Variants in MAFK observed in about 807,000 individuals in gnomAD.
MAFK encodes MAF bZIP transcription factor K.
MAFK carries 1 observed loss-of-function variant against 9.2 expected under a neutral mutation model. The observed-to-expected ratio is 0.11, with a 90% confidence interval of 0.04 to 0.52. The LOEUF is 0.52. Ranked by LOEUF, MAFK falls within the 20% of genes least tolerant of loss-of-function variation. MAFK has a pLI of 0.94. For synonymous variants in MAFK, 110 were observed against 107.4 expected, an observed-to-expected ratio of 1.02 and a Z score of -0.15; for missense variants, 207 against 236.0, an observed-to-expected ratio of 0.88 and a Z score of 0.81.
intron 1 of MAFK, chr7:1,537,813 G>C: frequency 7.3e-6 from 4 of 548,824 alleles, no homozygotes; most frequent in Non-Finnish European, 9.3e-6. Context: ...CCAGGGTGTG[G>C]GGAGGGTCCT....
At chr7:1,539,324 G>C (rs986533687) in intron 2 of MAFK, 96 bp downstream of exon 2, 3 of 998,848 alleles carry the variant, frequency 3.0e-6, no homozygotes, top group Non-Finnish European at 4.6e-6. Flanking sequence ...TCCTGAGCCT[G>C]TGATGGAGGC....
chr7:1,533,376 G>A (rs1304028769), intron 1 of MAFK, among the ~76,000 whole-genome samples: 2 of 152,218 alleles, frequency 1.3e-5, no homozygotes, highest in Non-Finnish European at 2.9e-5. Flanking sequence ...CATGCCTTGG[G>A]GAGGCCCCCT....
At chr7:1,536,900 G>C (rs944142735) in intron 1 of MAFK, among the ~76,000 whole-genome samples, 1 of 152,202 alleles carries the variant, frequency 6.6e-6, no homozygotes, top group African/African-American at 2.4e-5. Context: ...CCAAGGAGGT[G>C]GGGGGCAGGC....
At chr7:1,535,692 G>A (rs774070848) in intron 1 of MAFK, among the ~76,000 whole-genome samples, 13 of 152,252 alleles carry the variant, frequency 8.5e-5, no homozygotes, top group Non-Finnish European at 1.8e-4. Context: ...TCCAGAAGCT[G>A]AGGTGGCTGC....
chr7:1,535,082 A>ATTATTTTT (rs1554285288), intron 1 of MAFK, among the ~76,000 whole-genome samples: 1 of 67,880 alleles, frequency 1.5e-5, no homozygotes. Context: ...GCTATTTAAA[A>ATTATTTTT]TTCTTTTTTT....
Position 1,539,467 on chromosome 7 carries a change from C to T in MAFK, c.36+239C>T, listed in dbSNP as rs572086235. Among the ~76,000 whole-genome samples, 16 of 152,284 alleles carry T rather than the reference C, an allele frequency of 1.1e-4. No individual in the cohort carries two copies. In the East Asian group the frequency reaches 1.6e-3, roughly 15 times the overall value. On this transcript the variant is annotated intron_variant, in intron 2 of 2. Transcript: ENST00000343242. ...GGCGTGGCAGGGTCTGCTGCCTTCC[C>T]GCCTGGGCTGTGTGTCCGCCGGGCG...
rs1311564742 is a variant in MAFK at position 1,534,462 on chromosome 7, C to T, written c.-45+3564C>T. 5 of 436,750 alleles carry T rather than the reference C, an allele frequency of 1.1e-5. No individual in the cohort carries two copies. Among genetic ancestry groups the T allele is most frequent in the Middle Eastern group, 3.4e-4 (1 of 2,982 alleles). 27.1% of individuals were successfully genotyped at this position (436,750 alleles called of 1,614,324 possible). On this transcript the variant is annotated intron_variant, in intron 1 of 2. Transcript: ENST00000343242. This position sits in a 1 kb window ranked among gnomAD's most constrained non-coding sequence, Gnocchi z 4.3. ...CTCTGGTTTTGTGGATTGCACCTGCCGTGGGAGTCACTGGTCGGGGGGCGG... is the reference window on the plus strand; with the variant it reads ...CTCTGGTTTTGTGGATTGCACCTGCTGTGGGAGTCACTGGTCGGGGGGCGG...
Position 1,540,562 on chromosome 7 carries a change from A to G in MAFK, c.*187A>G, listed in dbSNP as rs1043757859. 1 of 626,012 alleles carries G rather than the reference A, an allele frequency of 1.6e-6. No homozygotes were observed. The highest frequency in any genetic ancestry group is 2.7e-6 in the Non-Finnish European group (1 of 372,792). 38.8% of individuals were successfully genotyped at this position (626,012 alleles called of 1,614,324 possible). On this transcript the variant is annotated 3_prime_UTR_variant, in exon 3 of 3. Transcript: ENST00000343242. Reference sequence around the variant, plus strand: ...GTGAAGAGTGGGCTCCCGTGGGCCCAGAGCTGCACGCCGGTCCACAGACAC... The same window carrying G: ...GTGAAGAGTGGGCTCCCGTGGGCCCGGAGCTGCACGCCGGTCCACAGACAC...
At position 1,540,008 on chromosome 7, in the gene MAFK, G is replaced by A. The variant is rs1400463740; in HGVS notation, c.104G>A (p.Arg35Gln). ...GATGAGCTGGTGTCCATGTCGGTGC[G>A]GGAGCTGAACCAGCACCTGCGGGGT... Reference protein sequence around the residue: ...SDDELVSMSVRELNQHLRGLT... With the variant: ...SDDELVSMSVQELNQHLRGLT... The change falls in exon 3 of 3, where the codon CGG (arginine) becomes CAG (glutamine). Residue 35 changes from arginine to glutamine, a missense_variant. Coordinates refer to ENST00000343242, the MANE Select transcript of MAFK (RefSeq NM_002360.4). 9 of 1,558,264 alleles carry A rather than the reference G, an allele frequency of 5.8e-6. No homozygotes were observed. Among genetic ancestry groups the A allele is most frequent in the African/African-American group, 1.4e-5 (1 of 73,536 alleles).
rs1194339248 is a variant in MAFK, at chr7:1,532,404, A to T, written c.-45+1506A>T. On this transcript the variant is annotated intron_variant, in intron 1 of 2. Coordinates refer to ENST00000343242, the MANE Select transcript of MAFK (RefSeq NM_002360.4). This position sits in a 1 kb window ranked among gnomAD's most constrained non-coding sequence, Gnocchi z 4.5. ...TTAGGTAACCCAGTAGGAATGTCTGAGTTTGACCTTGGGAGAGGGAGTCTG... is the reference window on the plus strand; with the variant it reads ...TTAGGTAACCCAGTAGGAATGTCTGTGTTTGACCTTGGGAGAGGGAGTCTG... Among the ~76,000 whole-genome samples, 1 of 152,212 alleles carries T rather than the reference A, an allele frequency of 6.6e-6. No homozygotes were observed. The highest frequency in any genetic ancestry group is 1.5e-5 in the Non-Finnish European group (1 of 68,040).
chr7:1,542,605 GA>G lies in MAFK; in HGVS notation c.*2232del, dbSNP rs534494825. ...TGTCACCGCCCAGAGCTGGGCCGGGGAAGCACGGTGTGTTCTGCTTTTCTTT... is the reference window on the plus strand; with the variant it reads ...TGTCACCGCCCAGAGCTGGGCCGGGGAGCACGGTGTGTTCTGCTTTTCTTT... On this transcript the variant is annotated 3_prime_UTR_variant, in exon 3 of 3. Transcript: ENST00000343242. 1 of 152,416 alleles carries G rather than the reference GA, an allele frequency of 6.6e-6. No homozygotes were observed. Among genetic ancestry groups the G allele is most frequent in the African/African-American group, 2.4e-5 (1 of 41,604 alleles). 9.4% of individuals were successfully genotyped at this position (152,416 alleles called of 1,614,324 possible).
rs1041061297 is a variant in MAFK, at chr7:1,532,997, T to G, written c.-45+2099T>G. ...CCTTTCCCCGCTATTTATTTTTGCT[T>G]TTTATAAGTCACAGACTCGTCATGT... On this transcript the variant is annotated intron_variant, in intron 1 of 2. Coordinates refer to ENST00000343242, the MANE Select transcript of MAFK (RefSeq NM_002360.4). The surrounding 1 kb of genome is among the most constrained non-coding windows in gnomAD (Gnocchi z 4.5). Among the ~76,000 whole-genome samples, 3 of 152,218 alleles carry G rather than the reference T, an allele frequency of 2.0e-5. No individual in the cohort carries two copies. Among genetic ancestry groups the G allele is most frequent in the African/African-American group, 7.2e-5 (3 of 41,458 alleles).
At chr7:1,539,505 C>T (rs1784122592) in intron 2 of MAFK, among the ~76,000 whole-genome samples, 1 of 145,558 alleles carries the variant, frequency 6.9e-6, no homozygotes, top group Non-Finnish European at 1.5e-5. Context: ...ACTGCATGAG[C>T]TCATCCCCTG....
In MAFK at chr7:1,532,940, C is replaced by T. The variant is rs774400511; in HGVS notation, c.-45+2042C>T. Among the ~76,000 whole-genome samples the T allele has an allele frequency of 2.6e-5, 4 of 152,198 alleles. No individual in the cohort carries two copies. Among genetic ancestry groups the T allele is most frequent in the Non-Finnish European group, 5.9e-5 (4 of 68,026 alleles). ...TAAACAGTGACTCACCGCTCCGTCC[C>T]CACCCTCCCTGCTCTCCGCGAATGG... On this transcript the variant is annotated intron_variant, in intron 1 of 2. Coordinates refer to ENST00000343242, the MANE Select transcript of MAFK (RefSeq NM_002360.4). The surrounding 1 kb of genome is among the most constrained non-coding windows in gnomAD (Gnocchi z 4.5).
At chr7:1,535,648 T>C (rs1220511531) in intron 1 of MAFK, among the ~76,000 whole-genome samples, 10 of 152,200 alleles carry the variant, frequency 6.6e-5, no homozygotes, top group Non-Finnish European at 1.5e-4. Context: ...ACACCTTGTC[T>C]CTAAAATGAA....
chr7:1,535,220 G>T (rs566027493), intron 1 of MAFK, among the ~76,000 whole-genome samples: 19 of 151,144 alleles, frequency 1.3e-4, no homozygotes, highest in African/African-American at 4.6e-4. Context: ...TCCCAACTTG[G>T]TGGAGAAAAT....
chr7:1,532,692 G>A lies in MAFK; in HGVS notation c.-45+1794G>A, dbSNP rs1022428303. 2.6e-5 allele frequency among the ~76,000 whole-genome samples: 4 copies of A among 152,214 alleles called. No individual in the cohort carries two copies. The highest frequency in any genetic ancestry group is 4.8e-5 in the African/African-American group (2 of 41,442). On this transcript the variant is annotated intron_variant, in intron 1 of 2. Transcript: ENST00000343242. This position sits in a 1 kb window ranked among gnomAD's most constrained non-coding sequence, Gnocchi z 4.5. ...CGGGCCACTTCGCTGTCTACAAGGCGTGTGCTTTCACCCACGGGGCTCAGC... is the reference window on the plus strand; with the variant it reads ...CGGGCCACTTCGCTGTCTACAAGGCATGTGCTTTCACCCACGGGGCTCAGC...
intron 1 of MAFK, among the ~76,000 whole-genome samples, chr7:1,536,737 T>C (rs544891137): frequency 7.2e-5 from 11 of 152,376 alleles, no homozygotes; most frequent in African/African-American, 2.6e-4. Context: ...ATTTATTCTG[T>C]GCATGGTGGG....
At position 1,532,708 on chromosome 7, in the gene MAFK, G is replaced by C. The variant is rs1340152577; in HGVS notation, c.-45+1810G>C. ...CTACAAGGCGTGTGCTTTCACCCAC[G>C]GGGCTCAGCGATGGCTGCGTTTGTT... is the stretch of plus-strand genomic sequence containing the variant. On this transcript the variant is annotated intron_variant, in intron 1 of 2. Coordinates refer to ENST00000343242, the MANE Select transcript of MAFK (RefSeq NM_002360.4). This position sits in a 1 kb window ranked among gnomAD's most constrained non-coding sequence, Gnocchi z 4.5. 6.6e-6 allele frequency among the ~76,000 whole-genome samples: 1 copy of C among 152,218 alleles called. No individual in the cohort carries two copies. Among genetic ancestry groups the C allele is most frequent in the African/African-American group, 2.4e-5 (1 of 41,450 alleles).
Sources: allele counts gnomAD v4.1 joint callset (sites outside exome capture counted in the v4.1 genomes callset), GRCh38; gene constraint gnomAD v4.1.1; non-coding constraint Gnocchi (gnomAD v3.1); transcripts MANE v1.5; gene names NCBI Gene and HGNC (gene_info 2026-07-23, HGNC 2026-07-21).